Variants in DKK2 observed in about 807,000 individuals in gnomAD.
DKK2 encodes dickkopf Wnt signaling pathway inhibitor 2, also known as dickkopf-related protein 2.
A neutral mutation model predicts 28.1 loss-of-function variants in DKK2; 11 were observed. That is an observed-to-expected ratio of 0.39 (90% CI 0.25 to 0.65). The LOEUF is 0.65. Ranked by LOEUF, DKK2 falls within the 30% of genes least tolerant of loss-of-function variation. The pLI, the probability that DKK2 is intolerant of heterozygous loss-of-function variation, is 0.47. For synonymous variants in DKK2, 135 were observed against 126.5 expected, an observed-to-expected ratio of 1.07 and a Z score of -0.45; for missense variants, 326 against 335.5, an observed-to-expected ratio of 0.97 and a Z score of 0.22.
intron 1 of DKK2, among the ~76,000 whole-genome samples, chr4:106,971,370 T>C (rs947335878): frequency 6.6e-6 from 1 of 152,080 alleles, no homozygotes; most frequent in Non-Finnish European, 1.5e-5. Context: ...TCAAAACTAA[T>C]TATTAAACAG....
intron 1 of DKK2, among the ~76,000 whole-genome samples, chr4:106,958,651 C>T (rs1308769707): frequency 6.6e-6 from 1 of 151,880 alleles, no homozygotes; most frequent in African/African-American, 2.4e-5. Flanking sequence ...GTCTGGCCAA[C>T]ATGGTGAAAC....
Position 106,922,444 on chromosome 4 carries a change from G to A in DKK2, c.*1510C>T, listed in dbSNP as rs767160766. 3.9e-5 allele frequency: 6 copies of A among 152,198 alleles called. No homozygotes were observed. Among genetic ancestry groups the A allele is most frequent in the Admixed American group, 6.6e-5 (1 of 15,266 alleles). The allele number at this position is 152,198 out of a possible 1,614,324, so 9.4% of individuals were successfully genotyped here. ...TTTCAAAGAATTTAGAAACTGTGGT[G>A]TCTATAGATTAGCAATATGCAGGTT... On this transcript the variant is annotated 3_prime_UTR_variant, in exon 4 of 4. Coordinates refer to ENST00000285311, the MANE Select transcript of DKK2 (RefSeq NM_014421.3).
chr4:106,972,233 C>T (rs901839024), intron 1 of DKK2, among the ~76,000 whole-genome samples: 2 of 151,992 alleles, frequency 1.3e-5, no homozygotes, highest in African/African-American at 4.8e-5. Flanking sequence ...CATTTTTACA[C>T]TGATGAACAA....
At chr4:106,999,976 G>A (rs1174349620) in intron 1 of DKK2, among the ~76,000 whole-genome samples, 6 of 152,064 alleles carry the variant, frequency 3.9e-5, no homozygotes, top group Admixed American at 2.6e-4. Context: ...AATGAAATAC[G>A]TAATACAAAA....
rs375711351 is a variant in DKK2 at position 106,967,682 on chromosome 4, T to TTA, written c.223-41734_223-41733insTA. On this transcript the variant is annotated intron_variant, in intron 1 of 3. Coordinates refer to ENST00000285311, the MANE Select transcript of DKK2 (RefSeq NM_014421.3). The stretch of plus-strand genomic sequence containing the variant: ...TACCTAGCAGACAATGCCTGACACT[T>TTA]AATATAGCTGATAAATATTTGTTAG... 2.5e-3 allele frequency among the ~76,000 whole-genome samples: 380 copies of TTA among 151,868 alleles called. 1 individual carries two copies. The highest frequency in any genetic ancestry group is 8.8e-3 in the African/African-American group (365 of 41,420).
At chr4:107,018,583 G>A (rs1051631384) in intron 1 of DKK2, among the ~76,000 whole-genome samples, 9 of 152,000 alleles carry the variant, frequency 5.9e-5, no homozygotes, top group South Asian at 4.1e-4. Flanking sequence ...TTCTGGTGAC[G>A]GATGAAGTAT....
At chr4:106,969,046 A>C (rs1578361728) in intron 1 of DKK2, among the ~76,000 whole-genome samples, 1 of 152,252 alleles carries the variant, frequency 6.6e-6, no homozygotes, top group Middle Eastern at 3.4e-3. Flanking sequence ...GCAAAAGTAC[A>C]TCCCAGTTCT....
chr4:107,029,789 A>T (rs899517772), intron 1 of DKK2, among the ~76,000 whole-genome samples: 4 of 152,050 alleles, frequency 2.6e-5, no homozygotes, highest in African/African-American at 9.7e-5. Context: ...TGATTTTTTA[A>T]AATTGTAGAT....
intron 1 of DKK2, among the ~76,000 whole-genome samples, chr4:106,992,048 C>T (rs1008673579): frequency 3.9e-4 from 59 of 152,306 alleles, no homozygotes; most frequent in African/African-American, 1.1e-3. Flanking sequence ...CTGAAACTTT[C>T]CTCAGAGTTC....
chr4:106,947,608 C>T (rs987058870), intron 1 of DKK2, among the ~76,000 whole-genome samples: 4 of 151,864 alleles, frequency 2.6e-5, no homozygotes, highest in Non-Finnish European at 4.4e-5. Flanking sequence ...CATATTTTCC[C>T]ATCTGATAAG....
chr4:106,941,442 C>T (rs1433157482), intron 1 of DKK2, among the ~76,000 whole-genome samples: 1 of 152,106 alleles, frequency 6.6e-6, no homozygotes, highest in Non-Finnish European at 1.5e-5. Flanking sequence ...GTATGCCTTC[C>T]CATTTTCCAG....
At chr4:106,964,496 A>G (rs898090294) in intron 1 of DKK2, among the ~76,000 whole-genome samples, 1 of 152,158 alleles carries the variant, frequency 6.6e-6, no homozygotes, top group South Asian at 2.1e-4. Flanking sequence ...TTTCAAAATA[A>G]CTAAGAGTGG....
At chr4:106,977,911 A>G (rs1010474929) in intron 1 of DKK2, among the ~76,000 whole-genome samples, 1 of 152,040 alleles carries the variant, frequency 6.6e-6, no homozygotes, top group Non-Finnish European at 1.5e-5. Context: ...TGACCTTCAG[A>G]TGGGGTTTTT....
At chr4:106,965,006 T>TAGA (rs61154775) in intron 1 of DKK2, among the ~76,000 whole-genome samples, 13,782 of 124,748 alleles carry the variant, frequency 0.11, 761 homozygotes, top group African/African-American at 0.19. Flanking sequence ...GATAGATAGA[T>TAGA]TGATTGATTC....
intron 1 of DKK2, among the ~76,000 whole-genome samples, chr4:106,972,797 T>G (rs1239555990): frequency 6.6e-6 from 1 of 152,144 alleles, no homozygotes; most frequent in East Asian, 1.9e-4. Context: ...TGTGCAGGTT[T>G]GTTACATAGG....
intron 1 of DKK2, among the ~76,000 whole-genome samples, chr4:107,015,002 G>T (rs939887092): frequency 6.6e-6 from 1 of 151,284 alleles, no homozygotes; most frequent in East Asian, 1.9e-4. Flanking sequence ...GTTGTTTCTT[G>T]TCTTTTGACA....
intron 1 of DKK2, among the ~76,000 whole-genome samples, chr4:106,996,087 A>T (rs771253165): frequency 2.0e-5 from 3 of 152,196 alleles, no homozygotes; most frequent in Non-Finnish European, 4.4e-5. Context: ...AACAACAAAA[A>T]GTCTACATTG....
At chr4:106,999,967 AT>A (rs1723336293) in intron 1 of DKK2, among the ~76,000 whole-genome samples, 1 of 152,222 alleles carries the variant, frequency 6.6e-6, no homozygotes, top group Admixed American at 6.5e-5. Flanking sequence ...AAATGTGATA[AT>A]GAAATACGTA....
chr4:106,969,628 C>T lies in DKK2; in HGVS notation c.223-43679G>A, dbSNP rs115852831. Among the ~76,000 whole-genome samples, 980 of 151,936 alleles carry T rather than the reference C, an allele frequency of 6.5e-3. 12 individuals carry two copies. Among genetic ancestry groups the T allele is most frequent in the African/African-American group, 0.022 (931 of 41,446 alleles). On this transcript the variant is annotated intron_variant, in intron 1 of 3. Coordinates refer to ENST00000285311, the MANE Select transcript of DKK2 (RefSeq NM_014421.3). ...TTTTTTTTGGTCCCTGGCCTGTAAA[C>T]TTTGAAAGCTTTTGATATTTATTTT... is the stretch of plus-strand genomic sequence containing the variant.
Sources: gnomAD v4.1 joint callset for allele counts (sites outside exome capture counted in the v4.1 genomes callset) on GRCh38, gnomAD v4.1.1 for gene constraint, MANE v1.5 for transcripts, NCBI Gene and HGNC (gene_info 2026-07-23, HGNC 2026-07-21) for gene names.